The following CTNNA3 variants were observed in gnomAD, a reference collection of about 807,000 sequenced individuals.
CTNNA3 encodes the protein catenin alpha 3.
A neutral mutation model predicts 95.7 loss-of-function variants in CTNNA3; 76 were observed. The observed-to-expected ratio is 0.79, with a 90% CI of 0.66 to 0.96. The LOEUF is 0.96. Ranked by LOEUF, CTNNA3 falls within the 40% of genes least tolerant of loss-of-function variation. CTNNA3 has a pLI of 0.00. For synonymous variants in CTNNA3, 431 were observed against 374.4 expected, an observed-to-expected ratio of 1.15 and a Z score of -1.74; for missense variants, 1,191 against 1,089.8, an observed-to-expected ratio of 1.09 and a Z score of -1.31.
chr10:67,622,657 A>G (rs939544055), intron 2 of CTNNA3, among the ~76,000 whole-genome samples: 7 of 152,140 alleles, frequency 4.6e-5, no homozygotes, highest in African/African-American at 1.7e-4. Flanking sequence ...TCAATTAGCT[A>G]TGGGTTTTCC....
chr10:66,180,175 T>G (rs1182721116), intron 13 of CTNNA3, among the ~76,000 whole-genome samples: 3 of 152,156 alleles, frequency 2.0e-5, no homozygotes, highest in Non-Finnish European at 4.4e-5. Flanking sequence ...ATAAACACAC[T>G]TCTAATTTCT....
intron 11 of CTNNA3, among the ~76,000 whole-genome samples, chr10:66,471,615 T>TA (rs1396615155): frequency 1.2e-4 from 18 of 151,874 alleles, no homozygotes; most frequent in African/African-American, 4.1e-4. Flanking sequence ...CAGTTGTCTG[T>TA]AAAACTGAAT....
At chr10:67,639,220 A>C (rs58289573) in intron 2 of CTNNA3, among the ~76,000 whole-genome samples, 2 of 152,166 alleles carry the variant, frequency 1.3e-5, no homozygotes, top group African/African-American at 4.8e-5. Context: ...AGAGAATACT[A>C]TAAACACCTG....
At chr10:67,755,802 CA>C (rs201336788) in intron 1 of CTNNA3, among the ~76,000 whole-genome samples, 2,325 of 58,752 alleles carry the variant, frequency 0.04, 126 homozygotes, top group East Asian at 0.36. Context: ...GTCTCTGCCT[CA>C]AAAAAAAAAA....
At chr10:67,159,940 A>G (rs1053295967) in intron 7 of CTNNA3, among the ~76,000 whole-genome samples, 6 of 152,198 alleles carry the variant, frequency 3.9e-5, no homozygotes, top group African/African-American at 1.2e-4. Flanking sequence ...AACCTATAGA[A>G]TGGAAGGAAA....
intron 4 of CTNNA3, among the ~76,000 whole-genome samples, chr10:67,537,208 G>A (rs981491817): frequency 1.3e-5 from 2 of 152,110 alleles, no homozygotes; most frequent in African/African-American, 4.8e-5. Context: ...ACTGGTTGTA[G>A]GTCCATGAAT....
intron 3 of CTNNA3, among the ~76,000 whole-genome samples, chr10:67,563,899 T>C (rs1231508154): frequency 6.7e-6 from 1 of 149,212 alleles, no homozygotes; most frequent in Non-Finnish European, 1.5e-5. Context: ...AAAATGCTCA[T>C]CATCACTGGC....
intron 9 of CTNNA3, among the ~76,000 whole-genome samples, chr10:66,659,305 A>T (rs1167978966): frequency 7.2e-5 from 11 of 152,130 alleles, no homozygotes; most frequent in African/African-American, 2.7e-4. Context: ...CTAGGTATTT[A>T]GATGGAGAGA....
At chr10:66,090,349 T>C (rs1027161928) in intron 14 of CTNNA3, among the ~76,000 whole-genome samples, 3 of 151,998 alleles carry the variant, frequency 2.0e-5, no homozygotes, top group African/African-American at 7.2e-5. Context: ...AGAGATGTCA[T>C]AAATGTGAAT....
At chr10:66,301,580 C>A (rs546662605) in intron 12 of CTNNA3, among the ~76,000 whole-genome samples, 1 of 151,882 alleles carries the variant, frequency 6.6e-6, no homozygotes, top group Admixed American at 6.6e-5. Context: ...CTTCAAAAAT[C>A]AATTACTATA....
intron 13 of CTNNA3, among the ~76,000 whole-genome samples, chr10:66,251,185 T>C (rs1271278623): frequency 1.3e-5 from 2 of 152,158 alleles, no homozygotes; most frequent in African/African-American, 2.4e-5. Context: ...TAAGCAGCCA[T>C]CTTGTGTGGC....
At chr10:67,726,632 T>C in intron 1 of CTNNA3, among the ~76,000 whole-genome samples, 1 of 57,436 alleles carries the variant, frequency 1.7e-5, no homozygotes, top group Non-Finnish European at 2.8e-5. Context: ...TATATTATAT[T>C]ATATATAATA....
At chr10:66,806,784 G>T (rs1469143766) in intron 7 of CTNNA3, among the ~76,000 whole-genome samples, 2 of 150,928 alleles carry the variant, frequency 1.3e-5, no homozygotes, top group African/African-American at 4.9e-5. Context: ...GTGTGTGTGT[G>T]TGTGTGTGTG....
intron 6 of CTNNA3, among the ~76,000 whole-genome samples, chr10:67,183,141 G>A (rs1862649651): frequency 6.6e-6 from 1 of 152,140 alleles, no homozygotes; most frequent in Non-Finnish European, 1.5e-5. Context: ...TGATTCCTCA[G>A]GGATCTAGAA....
At chr10:66,179,535 T>C (rs2085927720) in intron 13 of CTNNA3, among the ~76,000 whole-genome samples, 1 of 152,092 alleles carries the variant, frequency 6.6e-6, no homozygotes, top group South Asian at 2.1e-4. Flanking sequence ...CTCTCCATAT[T>C]ATTTCTTATA....
intron 5 of CTNNA3, among the ~76,000 whole-genome samples, chr10:67,328,006 C>T (rs937983855): frequency 5.3e-5 from 8 of 152,026 alleles, no homozygotes; most frequent in South Asian, 2.1e-4. Context: ...AGAGCACTGG[C>T]GGGGGCAGGG....
At chr10:65,930,199 TAAAAAAAAAAAAAA>T (rs71472402) in intron 17 of CTNNA3, among the ~76,000 whole-genome samples, 1 of 60,716 alleles carries the variant, frequency 1.6e-5, no homozygotes, top group Non-Finnish European at 3.2e-5. Context: ...CAGAGCTCAG[TAAAAAAAAAAAAAA>T]AAAAAAAAAA....
At chr10:66,396,470 T>G (rs1348895933) in intron 11 of CTNNA3, among the ~76,000 whole-genome samples, 1 of 152,036 alleles carries the variant, frequency 6.6e-6, no homozygotes, top group Non-Finnish European at 1.5e-5. Flanking sequence ...TAATTATATT[T>G]TCGCCTCAAT....
intron 11 of CTNNA3, among the ~76,000 whole-genome samples, chr10:66,472,502 AT>A (rs1297136710): frequency 6.6e-6 from 1 of 152,016 alleles, no homozygotes; most frequent in Non-Finnish European, 1.5e-5. Context: ...TATTTTAGAG[AT>A]TTTTTATTGA....
Sources: allele counts gnomAD v4.1 joint callset (sites outside exome capture counted in the v4.1 genomes callset), GRCh38; gene constraint gnomAD v4.1.1; transcripts MANE v1.5; gene names NCBI Gene and HGNC (gene_info 2026-07-23, HGNC 2026-07-21).